PTPRT: variants seen among roughly 807,000 people sequenced by gnomAD.
The protein encoded by PTPRT is protein tyrosine phosphatase receptor type T.
A neutral mutation model predicts 176.8 loss-of-function variants in PTPRT; 56 were observed. The observed-to-expected ratio is 0.32, with a 90% CI of 0.26 to 0.40. PTPRT has a LOEUF of 0.40. PTPRT is among the 10% of genes least tolerant of loss of function. The pLI is 1.00. For synonymous variants in PTPRT, 783 were observed against 739.0 expected (o/e 1.06, Z -0.96); for missense variants, 1,540 against 1,908.2 (o/e 0.81, Z 3.60).
intron 13 of PTPRT, among the ~76,000 whole-genome samples, chr20:42,265,830 C>T (rs2056830376): frequency 6.6e-6 from 1 of 152,136 alleles, no homozygotes; most frequent in Non-Finnish European, 1.5e-5. Context: ...ATAGCTTTCT[C>T]CCAAAGGCTC....
At chr20:42,788,583 T>C (rs375631409) in intron 3 of PTPRT, among the ~76,000 whole-genome samples, 4 of 152,144 alleles carry the variant, frequency 2.6e-5, no homozygotes, top group East Asian at 3.9e-4. Flanking sequence ...ATCTCCAGGA[T>C]TGCGGGAGTC....
intron 1 of PTPRT, among the ~76,000 whole-genome samples, chr20:43,112,505 G>A (rs1050735736): frequency 6.6e-6 from 1 of 152,192 alleles, no homozygotes; most frequent in Admixed American, 6.5e-5. Flanking sequence ...GAAACTAGAT[G>A]AGGAAATAAT....
intron 3 of PTPRT, among the ~76,000 whole-genome samples, chr20:42,784,325 C>A (rs1488151408): frequency 6.6e-6 from 1 of 152,094 alleles, no homozygotes; most frequent in Non-Finnish European, 1.5e-5. Context: ...ATCTGCATGG[C>A]AAAAATTTCA....
intron 2 of PTPRT, among the ~76,000 whole-genome samples, chr20:42,868,598 C>A (rs1039529943): frequency 6.6e-6 from 1 of 152,064 alleles, no homozygotes; most frequent in Non-Finnish European, 1.5e-5. Flanking sequence ...CCAGCCTGGC[C>A]AGGACATAAA....
intron 9 of PTPRT, among the ~76,000 whole-genome samples, chr20:42,441,938 G>C (rs2059320164): frequency 6.6e-6 from 1 of 152,172 alleles, no homozygotes; most frequent in African/African-American, 2.4e-5. Flanking sequence ...GGCTGTATTA[G>C]TCACAATCCA....
At chr20:42,743,700 A>C (rs1197936709) in intron 6 of PTPRT, among the ~76,000 whole-genome samples, 1 of 152,178 alleles carries the variant, frequency 6.6e-6, no homozygotes, top group African/African-American at 2.4e-5. Flanking sequence ...CCTGGATCAA[A>C]ATGAGCACAT....
intron 11 of PTPRT, among the ~76,000 whole-genome samples, chr20:42,342,233 C>T (rs2058122676): frequency 6.6e-6 from 1 of 152,214 alleles, no homozygotes; most frequent in Non-Finnish European, 1.5e-5. Flanking sequence ...GGGACAACCT[C>T]ATGGAGAAGG....
intron 9 of PTPRT, among the ~76,000 whole-genome samples, chr20:42,372,041 G>A (rs1337182628): frequency 6.6e-6 from 1 of 152,096 alleles, no homozygotes; most frequent in Non-Finnish European, 1.5e-5. Flanking sequence ...GGGTACTGGG[G>A]GGAGAGTGGA....
chr20:43,008,031 G>A (rs1336152994), intron 1 of PTPRT, among the ~76,000 whole-genome samples: 1 of 152,236 alleles, frequency 6.6e-6, no homozygotes, highest in Non-Finnish European at 1.5e-5. Context: ...GAGGCAGAAT[G>A]CTGCAGGAGT....
In PTPRT at chr20:42,441,841, A is replaced by T. The variant is rs186545052; in HGVS notation, c.1560+6379T>A. On this transcript the variant is annotated intron_variant, in intron 9 of 30. Coordinates refer to ENST00000373187, the MANE Select transcript of PTPRT (RefSeq NM_007050.6). ...TTTTCCTTGTTACCAGCCTGGCTCGAGTTATACTCAATAGCGGCCTGCATT... is the reference window on the plus strand; with the variant it reads ...TTTTCCTTGTTACCAGCCTGGCTCGTGTTATACTCAATAGCGGCCTGCATT... Among the ~76,000 whole-genome samples the T allele has an allele frequency of 1.1e-3, 171 of 152,360 alleles. 1 individual carries two copies. Among genetic ancestry groups the T allele is most frequent in the Admixed American group, 0.011 (170 of 15,298 alleles).
chr20:42,363,588 C>G (rs56881540), intron 9 of PTPRT, among the ~76,000 whole-genome samples: 4,063 of 151,750 alleles, frequency 0.027, 189 homozygotes, highest in African/African-American at 0.094. Flanking sequence ...AGGATTACAG[C>G]CATGAGTCAC....
At chr20:42,236,129 G>GA (rs1170975623) in intron 15 of PTPRT, 100 bp downstream of exon 15, 1 of 1,067,522 alleles carries the variant, frequency 9.4e-7, no homozygotes, top group African/African-American at 1.6e-5. Context: ...AGACAGAAGT[G>GA]AAAATGAGAA....
At chr20:42,318,237 T>A (rs1312016069) in intron 11 of PTPRT, among the ~76,000 whole-genome samples, 2 of 152,202 alleles carry the variant, frequency 1.3e-5, no homozygotes, top group Non-Finnish European at 2.9e-5. Flanking sequence ...GGGGTCCTTC[T>A]CAACTGTACA....
intron 10 of PTPRT, among the ~76,000 whole-genome samples, chr20:42,351,030 A>G (rs949634686): frequency 6.6e-5 from 10 of 152,218 alleles, no homozygotes; most frequent in African/African-American, 2.2e-4. Flanking sequence ...TATAAGTACT[A>G]ACAAAGAAGT....
chr20:42,061,345 A>G, the PTPRT span, among the ~76,000 whole-genome samples: 7 of 152,230 alleles, frequency 4.6e-5, no homozygotes, highest in East Asian at 1.4e-3. Flanking sequence ...CATGGGCCCA[A>G]TATTATTAGA....
chr20:42,374,675 A>G (rs1453316345), intron 9 of PTPRT, among the ~76,000 whole-genome samples: 4 of 152,218 alleles, frequency 2.6e-5, no homozygotes, highest in Non-Finnish European at 5.9e-5. Context: ...GGGGGAAAAG[A>G]GATTCCACCT....
At chr20:42,715,322 G>A (rs1361261585) in intron 6 of PTPRT, among the ~76,000 whole-genome samples, 5 of 152,084 alleles carry the variant, frequency 3.3e-5, no homozygotes, top group African/African-American at 9.7e-5. Context: ...GGAGTAAAAT[G>A]AACAGATCCC....
chr20:42,627,075 G>T (rs2074303551), intron 7 of PTPRT, among the ~76,000 whole-genome samples: 1 of 152,152 alleles, frequency 6.6e-6, no homozygotes, highest in Non-Finnish European at 1.5e-5. Context: ...ACTGCTGAAA[G>T]CAATGCCCGG....
At chr20:42,918,776 C>A (rs1327821885) in intron 1 of PTPRT, among the ~76,000 whole-genome samples, 1 of 152,116 alleles carries the variant, frequency 6.6e-6, no homozygotes, top group African/African-American at 2.4e-5. Context: ...ACAGTGCTTG[C>A]CCAGATGAAA....
Sources: allele counts gnomAD v4.1 joint callset (sites outside exome capture counted in the v4.1 genomes callset), GRCh38; gene constraint gnomAD v4.1.1; transcripts MANE v1.5; gene names NCBI Gene and HGNC (gene_info 2026-07-23, HGNC 2026-07-21).